Variants in MCTS1 observed in about 807,000 individuals in gnomAD.
MCTS1 encodes the protein malignant T-cell-amplified sequence 1.
For missense variants in MCTS1, 55 were observed against 128.6 expected (o/e 0.43, Z 2.77); for synonymous variants, 26 against 40.8 (o/e 0.64, Z 1.38).
intron 1 of MCTS1, chrX:120,604,867 G>A: frequency 1.7e-6 from 2 of 1,156,981 alleles, no homozygotes; most frequent in Non-Finnish European, 2.3e-6. Context: ...GGCAAAGGAA[G>A]GTGGGTTTTG....
rs10563395 is a variant in MCTS1 at position 120,612,660 on chromosome X, C to CGTGT, written c.*419_*422dup. Among the ~76,000 whole-genome samples, 172 of 97,400 alleles carry CGTGT rather than the reference C, an allele frequency of 1.8e-3. No individual in the cohort carries two copies. The highest frequency in any genetic ancestry group is 3.1e-3 in the Non-Finnish European group (150 of 49,009). 84.6% of individuals were successfully genotyped at this position (97,400 alleles called of 115,157 possible). On this transcript the variant is annotated 3_prime_UTR_variant, in exon 6 of 6. Transcript: ENST00000371317. ...CAGGGGACCCAGCAGTGCTCATTCT[C>CGTGT]GTGTGTGTGTGTGTGTGTGTGTGTG... is the stretch of plus-strand genomic sequence containing the variant.
At position 120,618,138 on chromosome X, in the gene MCTS1, ACTGT is replaced by A. The variant is rs950704434; in HGVS notation, c.*5877_*5880del. ...TGATGAAACGGCATGTCAGTTTGAC[ACTGT>A]CTATTAATAGTCCTTGAGTGAGCTT... On this transcript the variant is annotated 3_prime_UTR_variant, in exon 6 of 6. Coordinates refer to ENST00000371317, the MANE Select transcript of MCTS1 (RefSeq NM_014060.3). Among the ~76,000 whole-genome samples, 23 of 112,819 alleles carry A rather than the reference ACTGT, an allele frequency of 2.0e-4. No individual in the cohort carries two copies. Among genetic ancestry groups the A allele is most frequent in the African/African-American group, 7.1e-4 (22 of 31,049 alleles).
At position 120,619,195 on chromosome X, in the gene MCTS1, A is replaced by T. The variant is rs776538777; in HGVS notation, c.*6931A>T. Among the ~76,000 whole-genome samples, 89 of 112,263 alleles carry T rather than the reference A, an allele frequency of 7.9e-4. No individual in the cohort carries two copies. The highest frequency in any genetic ancestry group is 2.7e-3 in the African/African-American group (84 of 30,998). On this transcript the variant is annotated 3_prime_UTR_variant, in exon 6 of 6. Coordinates refer to ENST00000371317, the MANE Select transcript of MCTS1 (RefSeq NM_014060.3). ...AGATTAAATGTACAGATGTTATCTT[A>T]AAACAATGAAAGAGTTCCCCTAATT...
At position 120,615,045 on chromosome X, in the gene MCTS1, T is replaced by C. The variant is rs1225996826; in HGVS notation, c.*2781T>C. ...ATGTATGTTCTCTGCTTCCCCTGGG[T>C]CTGAGGCCTCTGCTCATCACTGTTA... On this transcript the variant is annotated 3_prime_UTR_variant, in exon 6 of 6. Transcript: ENST00000371317. Among the ~76,000 whole-genome samples the C allele has an allele frequency of 2.7e-5, 3 of 111,825 alleles. No individual in the cohort carries two copies. Among genetic ancestry groups the C allele is most frequent in the East Asian group, 2.8e-4 (1 of 3,589 alleles).
chrX:120,612,521 T>G lies in MCTS1; in HGVS notation c.*257T>G, dbSNP rs1256132629. The stretch of plus-strand genomic sequence containing the variant: ...AATGTCCTTTCTTAGGCTAATGATA[T>G]AAGAGTGAAGAGCAGGACTTGGTCA... On this transcript the variant is annotated 3_prime_UTR_variant, in exon 6 of 6. Coordinates refer to ENST00000371317, the MANE Select transcript of MCTS1 (RefSeq NM_014060.3). The G allele has an allele frequency of 7.9e-6, 2 of 252,632 alleles. No homozygotes were observed. Among genetic ancestry groups the G allele is most frequent in the African/African-American group, 5.7e-5 (2 of 34,813 alleles). The allele number at this position is 252,632 out of a possible 1,213,427, so 20.8% of individuals were successfully genotyped here.
chrX:120,612,084 A>G, intron 5 of MCTS1, 99 bp from the exon 6 acceptor site: 1 of 639,393 alleles, frequency 1.6e-6, no homozygotes, highest in South Asian at 2.6e-5. Flanking sequence ...TTGTGGCTTA[A>G]TAATTAAAAA....
chrX:120,604,774 A>G, intron 1 of MCTS1: 2 of 1,122,402 alleles, frequency 1.8e-6, no homozygotes, highest in South Asian at 2.2e-5. Context: ...TATTCAGTGT[A>G]AGGAAGACAA....
rs1364423997 is a variant in MCTS1 at position 120,614,567 on chromosome X, CA to C, written c.*2304del. Among the ~76,000 whole-genome samples, 2 of 112,011 alleles carry C rather than the reference CA, an allele frequency of 1.8e-5. No individual in the cohort carries two copies. Among genetic ancestry groups the C allele is most frequent in the East Asian group, 5.6e-4 (2 of 3,585 alleles). On this transcript the variant is annotated 3_prime_UTR_variant, in exon 6 of 6. Coordinates refer to ENST00000371317, the MANE Select transcript of MCTS1 (RefSeq NM_014060.3). ...TGGTCCACGAAAGTATAAATAGTCT[CA>C]TCAGGAACTCATTTGTAAGTCATCT...
chrX:120,609,023 C>G (rs1438588055), intron 4 of MCTS1, among the ~76,000 whole-genome samples: 1 of 111,832 alleles, frequency 8.9e-6, no homozygotes, highest in Non-Finnish European at 1.9e-5. Context: ...TCCATTTCTA[C>G]CATGCTGTTT....
rs1340768792 is a variant in MCTS1 at position 120,617,061 on chromosome X, T to G, written c.*4797T>G. On this transcript the variant is annotated 3_prime_UTR_variant, in exon 6 of 6. Coordinates refer to ENST00000371317, the MANE Select transcript of MCTS1 (RefSeq NM_014060.3). ...CAGGCATCAGTCTTATTTGGAAGACTGTAAATCAACAGGCTAACGTTCAAA... is the reference window on the plus strand; with the variant it reads ...CAGGCATCAGTCTTATTTGGAAGACGGTAAATCAACAGGCTAACGTTCAAA... Among the ~76,000 whole-genome samples the G allele has an allele frequency of 8.9e-6, 1 of 112,523 alleles. No individual in the cohort carries two copies. The highest frequency in any genetic ancestry group is 1.9e-5 in the Non-Finnish European group (1 of 53,316).
intron 3 of MCTS1, among the ~76,000 whole-genome samples, chrX:120,607,740 C>T (rs1291823432): frequency 9.0e-6 from 1 of 111,481 alleles, no homozygotes; most frequent in Non-Finnish European, 1.9e-5. Context: ...AAGTATCATA[C>T]AGAATGGTTT....
At position 120,604,105 on chromosome X, in the gene MCTS1, T is replaced by C; in HGVS notation, c.-132T>C. ...CGTAAAGCGCGGCTGGCTCTCGTTT[T>C]CCGGATAACGACTACAGCTCCGACT... is the stretch of plus-strand genomic sequence containing the variant. On this transcript the variant is annotated 5_prime_UTR_variant, in exon 1 of 6. Coordinates refer to ENST00000371317, the MANE Select transcript of MCTS1 (RefSeq NM_014060.3). The C allele has an allele frequency of 1.2e-6, 1 of 828,221 alleles. No individual in the cohort carries two copies. Among genetic ancestry groups the C allele is most frequent in the Non-Finnish European group, 1.7e-6 (1 of 577,782 alleles). 68.3% of individuals were successfully genotyped at this position (828,221 alleles called of 1,213,427 possible).
rs2147376137 is a variant in MCTS1, at chrX:120,613,192, C to G, written c.*928C>G. Among the ~76,000 whole-genome samples the G allele has an allele frequency of 9.0e-6, 1 of 110,690 alleles. No individual in the cohort carries two copies. The highest frequency in any genetic ancestry group is 2.8e-4 in the East Asian group (1 of 3,524). On this transcript the variant is annotated 3_prime_UTR_variant, in exon 6 of 6. Transcript: ENST00000371317. ...CCGTCCCCCTCTGCCTCCCAAAGTG[C>G]TGGGATTACAGGCATGAGCCACCGT...
At chrX:120,604,726 A>T in intron 1 of MCTS1, 1 of 1,046,601 alleles carries the variant, frequency 9.6e-7, no homozygotes, top group Non-Finnish European at 1.2e-6. Context: ...TAGCTGCCAG[A>T]TTAACCTTGC....
rs776954106 is a variant in MCTS1, at chrX:120,609,429, C to T, written c.396+1071C>T. ...AACTCCTGACCTCAGGTGATCCACC[C>T]GCTTTGGCCTCCCAAAGTGCTGGGA... On this transcript the variant is annotated intron_variant, in intron 4 of 5. Transcript: ENST00000371317. Among the ~76,000 whole-genome samples, 16 of 111,379 alleles carry T rather than the reference C, an allele frequency of 1.4e-4. No homozygotes were observed. In the South Asian group the frequency reaches 2.3e-3, roughly 16 times the overall value.
At chrX:120,607,878 A>G (rs1211080341) in intron 3 of MCTS1, among the ~76,000 whole-genome samples, 2 of 110,837 alleles carry the variant, frequency 1.8e-5, no homozygotes, top group Non-Finnish European at 3.8e-5. Flanking sequence ...TTATATCACA[A>G]AAATTTCCCA....
intron 3 of MCTS1, among the ~76,000 whole-genome samples, chrX:120,606,933 T>C (rs1360415128): frequency 1.8e-5 from 2 of 111,723 alleles, no homozygotes; most frequent in Admixed American, 1.9e-4. Flanking sequence ...TAAACAACAA[T>C]TAGATAATTA....
Position 120,617,634 on chromosome X carries a change from TAATC to T in MCTS1, c.*5374_*5377del, listed in dbSNP as rs1335338535. Among the ~76,000 whole-genome samples the T allele has an allele frequency of 1.8e-5, 2 of 112,476 alleles. No individual in the cohort carries two copies. Among genetic ancestry groups the T allele is most frequent in the Non-Finnish European group, 3.8e-5 (2 of 53,327 alleles). On this transcript the variant is annotated 3_prime_UTR_variant, in exon 6 of 6. Transcript: ENST00000371317. ...GTGAATATAGGAGACTTCAAAAGCA[TAATC>T]AATTACTCCCTTAAAGTTCATTGTA...
rs1259663611 is a variant in MCTS1, at chrX:120,613,372, A to G, written c.*1108A>G. Among the ~76,000 whole-genome samples the G allele has an allele frequency of 1.8e-5, 2 of 111,183 alleles. No individual in the cohort carries two copies. Among genetic ancestry groups the G allele is most frequent in the Non-Finnish European group, 3.8e-5 (2 of 53,028 alleles). The stretch of plus-strand genomic sequence containing the variant: ...GTGTGTATCTTTAAAAATTAGAAAA[A>G]CCCCACAATACCATTATCACACCTA... On this transcript the variant is annotated 3_prime_UTR_variant, in exon 6 of 6. Coordinates refer to ENST00000371317, the MANE Select transcript of MCTS1 (RefSeq NM_014060.3).
Sources: gnomAD v4.1 joint callset for allele counts (sites outside exome capture counted in the v4.1 genomes callset) on GRCh38, gnomAD v4.1.1 for gene constraint, MANE v1.5 for transcripts, NCBI Gene and HGNC (gene_info 2026-07-23, HGNC 2026-07-21) for gene names.